The following ST3GAL6 variants were observed in gnomAD, a reference collection of about 807,000 sequenced individuals.
The protein encoded by ST3GAL6 is type 2 lactosamine alpha-2,3-sialyltransferase.
ST3GAL6 carries 31 observed loss-of-function variants against 40.5 expected under a neutral mutation model. That is an observed-to-expected ratio of 0.77 (90% CI 0.58 to 1.03). The LOEUF is 1.03. Among genes scored for constraint, ST3GAL6 ranks in the 50% least tolerant of loss-of-function variants. The pLI is 0.00. For synonymous variants in ST3GAL6, 129 were observed against 136.9 expected, an observed-to-expected ratio of 0.94 and a Z score of 0.40; for missense variants, 357 against 393.2, an observed-to-expected ratio of 0.91 and a Z score of 0.78.
At chr3:98,745,141 C>T (rs1936444728) in intron 1 of ST3GAL6, among the ~76,000 whole-genome samples, 2 of 151,988 alleles carry the variant, frequency 1.3e-5, no homozygotes, top group South Asian at 4.1e-4. Context: ...TCAAGCGATT[C>T]TCCTGCCTCA....
intron 1 of ST3GAL6, among the ~76,000 whole-genome samples, chr3:98,748,751 C>T (rs969002163): frequency 6.6e-6 from 1 of 152,230 alleles, no homozygotes; most frequent in Non-Finnish European, 1.5e-5. Context: ...CAGGTGTGAG[C>T]CACCGCGCCT....
At chr3:98,750,851 A>G (rs1936953382) in intron 1 of ST3GAL6, among the ~76,000 whole-genome samples, 1 of 152,158 alleles carries the variant, frequency 6.6e-6, no homozygotes. Context: ...TTTTGCATTC[A>G]CTGGCCTTGG....
chr3:98,779,350 C>T (rs1939852283), intron 5 of ST3GAL6, among the ~76,000 whole-genome samples: 2 of 152,130 alleles, frequency 1.3e-5, no homozygotes, highest in African/African-American at 4.8e-5. Flanking sequence ...ACAATGAGCT[C>T]ACTATTATAG....
intron 5 of ST3GAL6, among the ~76,000 whole-genome samples, chr3:98,777,813 G>A (rs1159299953): frequency 6.6e-6 from 1 of 152,126 alleles, no homozygotes; most frequent in Non-Finnish European, 1.5e-5. Flanking sequence ...AACATAAGGT[G>A]ACTAAGTTTA....
chr3:98,746,992 A>G (rs1936610069), intron 1 of ST3GAL6, among the ~76,000 whole-genome samples: 1 of 152,188 alleles, frequency 6.6e-6, no homozygotes, highest in Non-Finnish European at 1.5e-5. Flanking sequence ...AGGCTCGTTC[A>G]TGCTCTGTTT....
intron 5 of ST3GAL6, among the ~76,000 whole-genome samples, chr3:98,778,962 G>A (rs1939811620): frequency 6.6e-6 from 1 of 152,204 alleles, no homozygotes; most frequent in Non-Finnish European, 1.5e-5. Flanking sequence ...TACAGACTGT[G>A]GATTGCACAA....
chr3:98,744,143 G>A (rs985576497), intron 1 of ST3GAL6, among the ~76,000 whole-genome samples: 1 of 152,184 alleles, frequency 6.6e-6, no homozygotes, highest in Non-Finnish European at 1.5e-5. Context: ...AAGATTGGTG[G>A]CAGAGCCAAA....
At chr3:98,778,576 C>T (rs756695452) in intron 5 of ST3GAL6, among the ~76,000 whole-genome samples, 8 of 152,310 alleles carry the variant, frequency 5.3e-5, no homozygotes, top group East Asian at 3.9e-4. Flanking sequence ...TTTCTAGCAT[C>T]GGCTGTGGTC....
chr3:98,763,991 G>GC (rs1274692188), intron 1 of ST3GAL6, among the ~76,000 whole-genome samples: 1 of 152,138 alleles, frequency 6.6e-6, no homozygotes, highest in Non-Finnish European at 1.5e-5. Context: ...GGCTGGGCTT[G>GC]CAGATGGGCA....
In ST3GAL6 at chr3:98,795,065, G is replaced by A. The variant is rs1276371674; in HGVS notation, c.*1304G>A. The A allele has an allele frequency of 6.6e-6, 1 of 152,198 alleles. No individual in the cohort carries two copies. Among genetic ancestry groups the A allele is most frequent in the Non-Finnish European group, 1.5e-5 (1 of 68,048 alleles). The allele number at this position is 152,198 out of a possible 1,614,324, so 9.4% of individuals were successfully genotyped here. A position where few individuals can be genotyped will look rare whatever the true frequency, so the allele number is the denominator to read the frequency against. The stretch of plus-strand genomic sequence containing the variant: ...CAAGCCAGTCAATCCTACAAATGTG[G>A]TGAGCTAGTCTTCCTTCCTATATTT... On this transcript the variant is annotated 3_prime_UTR_variant, in exon 10 of 10. Coordinates refer to ENST00000483910, the MANE Select transcript of ST3GAL6 (RefSeq NM_001323368.2).
intron 1 of ST3GAL6, among the ~76,000 whole-genome samples, chr3:98,744,753 GAA>G (rs11300353): frequency 2.7e-4 from 39 of 146,738 alleles, no homozygotes; most frequent in African/African-American, 8.4e-4. Flanking sequence ...TCTTTGATAG[GAA>G]AAAAAAAAAT....
At chr3:98,754,372 T>C (rs1576054781) in intron 1 of ST3GAL6, among the ~76,000 whole-genome samples, 1 of 152,336 alleles carries the variant, frequency 6.6e-6, no homozygotes, top group East Asian at 1.9e-4. Context: ...CAGTAGAGCC[T>C]GAAGAAGTGA....
chr3:98,743,000 CTTTTTTTT>C (rs71120599), intron 1 of ST3GAL6, among the ~76,000 whole-genome samples: 4 of 89,484 alleles, frequency 4.5e-5, no homozygotes, highest in African/African-American at 8.8e-5. Flanking sequence ...ATGCCAGGCT[CTTTTTTTT>C]TTTTTTTTTT....
intron 1 of ST3GAL6, among the ~76,000 whole-genome samples, chr3:98,740,464 C>T (rs1353590861): frequency 5.3e-5 from 8 of 151,962 alleles, no homozygotes; most frequent in South Asian, 4.1e-4. Flanking sequence ...GCTGTAGCCA[C>T]GCAGGTCTCC....
chr3:98,770,108 G>T (rs1390765380), intron 2 of ST3GAL6, among the ~76,000 whole-genome samples: 2 of 152,096 alleles, frequency 1.3e-5, no homozygotes, highest in Admixed American at 1.3e-4. Context: ...CCTTCATTTT[G>T]AATTCTGCTG....
intron 1 of ST3GAL6, among the ~76,000 whole-genome samples, chr3:98,735,967 C>T (rs1035980129): frequency 6.6e-6 from 1 of 152,000 alleles, no homozygotes; most frequent in African/African-American, 2.4e-5. Context: ...ACTTGACTGT[C>T]GTATAATCAG....
intron 9 of ST3GAL6, among the ~76,000 whole-genome samples, chr3:98,792,458 T>C (rs1941284404): frequency 6.6e-6 from 1 of 152,076 alleles, no homozygotes; most frequent in South Asian, 2.1e-4. Context: ...TTCTCTTGAA[T>C]AGGGATTAAT....
At chr3:98,737,155 T>C (rs963234482) in intron 1 of ST3GAL6, among the ~76,000 whole-genome samples, 1 of 152,118 alleles carries the variant, frequency 6.6e-6, no homozygotes, top group Non-Finnish European at 1.5e-5. Flanking sequence ...TTTAAGTGAT[T>C]CTCCTGTCTC....
intron 1 of ST3GAL6, among the ~76,000 whole-genome samples, chr3:98,754,738 C>G (rs1298035971): frequency 6.6e-6 from 1 of 152,210 alleles, no homozygotes; most frequent in African/African-American, 2.4e-5. Context: ...AACCACCAGC[C>G]TGATAAGTTA....
Sources: gnomAD v4.1 joint callset for allele counts (sites outside exome capture counted in the v4.1 genomes callset) on GRCh38, gnomAD v4.1.1 for gene constraint, MANE v1.5 for transcripts, NCBI Gene and HGNC (gene_info 2026-07-23, HGNC 2026-07-21) for gene names.